INPP5A: variants seen among roughly 807,000 people sequenced by gnomAD.
INPP5A encodes inositol polyphosphate-5-phosphatase A, also known as 43 kDa inositol polyphosphate 5-phophatase.
In INPP5A, 14 loss-of-function variants were observed where a neutral mutation model predicts 65.2. The ratio of observed to expected loss-of-function variants is 0.21; its 90% CI spans 0.14 to 0.34. The LOEUF is 0.34. INPP5A is among the 10% of genes least tolerant of loss of function. The pLI, the probability that INPP5A is intolerant of heterozygous loss-of-function variation, is 1.00. For synonymous variants in INPP5A, 207 were observed against 208.3 expected (o/e 0.99, Z 0.05); for missense variants, 431 against 545.6 (o/e 0.79, Z 2.09).
rs1045075561 is a variant in INPP5A at position 132,587,535 on chromosome 10, G to A, written c.76-20380G>A. On this transcript the variant is annotated intron_variant, in intron 1 of 15. Coordinates refer to ENST00000368594, the MANE Select transcript of INPP5A (RefSeq NM_005539.5). This position sits in a 1 kb window ranked among gnomAD's most constrained non-coding sequence, Gnocchi z 4.3. ...CCTGTAACCAGAGCTGTTGGGACGC[G>A]GGGAGCAGGCGAAATTTCTGGGCCA... Among the ~76,000 whole-genome samples the A allele has an allele frequency of 4.6e-5, 7 of 152,184 alleles. No individual in the cohort carries two copies. Among genetic ancestry groups the A allele is most frequent in the Non-Finnish European group, 1.0e-4 (7 of 68,040 alleles).
At position 132,575,618 on chromosome 10, in the gene INPP5A, C is replaced by A. The variant is rs528681579; in HGVS notation, c.76-32297C>A. On this transcript the variant is annotated intron_variant, in intron 1 of 15. Coordinates refer to ENST00000368594, the MANE Select transcript of INPP5A (RefSeq NM_005539.5). This position sits in a 1 kb window ranked among gnomAD's most constrained non-coding sequence, Gnocchi z 5.4. ...ATTTCTTGGCTTCTCTGTGGAAGTG[C>A]GTTTATTTGAAATCCGTAAACAGTG... is the stretch of plus-strand genomic sequence containing the variant. Among the ~76,000 whole-genome samples the A allele has an allele frequency of 2.0e-4, 31 of 152,186 alleles. No individual in the cohort carries two copies. Among genetic ancestry groups the A allele is most frequent in the South Asian group, 6.2e-4 (3 of 4,816 alleles).
At chr10:132,622,956 G>A (rs540494636) in intron 2 of INPP5A, among the ~76,000 whole-genome samples, 8 of 151,526 alleles carry the variant, frequency 5.3e-5, no homozygotes, top group African/African-American at 7.3e-5. Context: ...TATACCGTCC[G>A]TGTTCGTGGA....
chr10:132,712,628 G>T (rs573142565), intron 8 of INPP5A, among the ~76,000 whole-genome samples: 3 of 151,418 alleles, frequency 2.0e-5, no homozygotes, highest in Admixed American at 2.0e-4. Flanking sequence ...GTGTGTGTGG[G>T]TATATGCATG....
intron 8 of INPP5A, among the ~76,000 whole-genome samples, chr10:132,711,209 G>C (rs1344783915): frequency 1.3e-5 from 2 of 152,184 alleles, no homozygotes; most frequent in Admixed American, 6.5e-5. Context: ...CTGCCCCCCA[G>C]TGCTCCGGGC....
chr10:132,556,586 CA>C (rs2133262085), intron 1 of INPP5A, among the ~76,000 whole-genome samples: 1 of 152,324 alleles, frequency 6.6e-6, no homozygotes, highest in South Asian at 2.1e-4. Flanking sequence ...ACCACATAGG[CA>C]CACACATGTG....
chr10:132,612,444 G>T (rs1338457796), intron 2 of INPP5A, among the ~76,000 whole-genome samples: 1 of 151,690 alleles, frequency 6.6e-6, no homozygotes, highest in Non-Finnish European at 1.5e-5. Context: ...AGGCTGTGAA[G>T]GTGCCCTGTT....
At chr10:132,599,643 G>C (rs898557763) in intron 1 of INPP5A, among the ~76,000 whole-genome samples, 17 of 152,256 alleles carry the variant, frequency 1.1e-4, no homozygotes, top group African/African-American at 3.6e-4. Flanking sequence ...TAGAGACTCT[G>C]TGTGGGGGCT....
At chr10:132,578,732 C>T (rs867891999) in intron 1 of INPP5A, among the ~76,000 whole-genome samples, 1 of 129,960 alleles carries the variant, frequency 7.7e-6, no homozygotes, top group African/African-American at 2.8e-5. Flanking sequence ...GAGGCTGGGT[C>T]CAGGCTCCAG....
chr10:132,700,211 G>A (rs1845414800), intron 6 of INPP5A, among the ~76,000 whole-genome samples: 1 of 152,258 alleles, frequency 6.6e-6, no homozygotes, highest in African/African-American at 2.4e-5. Flanking sequence ...ATTCCTGGGA[G>A]GAAAAGGCAC....
chr10:132,711,472 G>A (rs1400878996), intron 8 of INPP5A, among the ~76,000 whole-genome samples: 4 of 146,732 alleles, frequency 2.7e-5, no homozygotes, highest in Non-Finnish European at 6.1e-5. Context: ...TGGGCTTGCA[G>A]CAGTGATGAA....
At chr10:132,560,158 C>A (rs1038237253) in intron 1 of INPP5A, among the ~76,000 whole-genome samples, 1 of 151,020 alleles carries the variant, frequency 6.6e-6, no homozygotes, top group East Asian at 1.9e-4. Context: ...ACATGTGTCT[C>A]CAGCTCTCTT....
chr10:132,665,102 A>T (rs1320199257), intron 4 of INPP5A, among the ~76,000 whole-genome samples: 2 of 152,192 alleles, frequency 1.3e-5, no homozygotes, highest in Non-Finnish European at 2.9e-5. Flanking sequence ...GCACCCCCAG[A>T]CTGAAGGAAA....
rs1299698633 is a variant in INPP5A at position 132,678,436 on chromosome 10, C to G, written c.307-11956C>G. Among the ~76,000 whole-genome samples the G allele has an allele frequency of 2.0e-5, 3 of 152,122 alleles. No homozygotes were observed. Among genetic ancestry groups the G allele is most frequent in the Admixed American group, 6.5e-5 (1 of 15,282 alleles). ...TGTTTCAAAACAAGGTGTCTTGGGA[C>G]TTGCCTTTGTGATAGGGTTAAATGT... On this transcript the variant is annotated intron_variant, in intron 4 of 15. Transcript: ENST00000368594. The surrounding 1 kb of genome is among the most constrained non-coding windows in gnomAD (Gnocchi z 4.1).
At chr10:132,725,772 T>C (rs766936560) in intron 8 of INPP5A, among the ~76,000 whole-genome samples, 1 of 152,222 alleles carries the variant, frequency 6.6e-6, no homozygotes, top group African/African-American at 2.4e-5. Context: ...TATCTCCAAA[T>C]GCAGCGTAGT....
At chr10:132,708,628 C>A (rs1845580746) in intron 7 of INPP5A, 3 of 567,802 alleles carry the variant, frequency 5.3e-6, no homozygotes, top group Admixed American at 2.3e-5. Flanking sequence ...CTCCCCGCAG[C>A]TGGAGAGTTC....
Position 132,697,807 on chromosome 10 carries a change from C to G in INPP5A, c.371-9C>G. 1 of 1,587,206 alleles carries G rather than the reference C, an allele frequency of 6.3e-7. No homozygotes were observed. The highest frequency in any genetic ancestry group is 1.1e-5 in the South Asian group (1 of 90,048). On this transcript the variant is annotated splice_polypyrimidine_tract_variant and intron_variant, in intron 5 of 15. Transcript: ENST00000368594. The surrounding 1 kb of genome is among the most constrained non-coding windows in gnomAD (Gnocchi z 5.6). ...GGGATAGTCACCTCGTCCTTCTGGTCTCTTCCAGCTAAGAAGTATAGAAAG... is the reference window on the plus strand; with the variant it reads ...GGGATAGTCACCTCGTCCTTCTGGTGTCTTCCAGCTAAGAAGTATAGAAAG...
chr10:132,552,806 G>A (rs2071073215), intron 1 of INPP5A, among the ~76,000 whole-genome samples: 1 of 147,196 alleles, frequency 6.8e-6, no homozygotes, highest in Non-Finnish European at 1.5e-5. Context: ...GGGAGGACTG[G>A]TGAACGCCTT....
chr10:132,570,728 AT>A (rs1466547594), intron 1 of INPP5A, among the ~76,000 whole-genome samples: 3 of 151,922 alleles, frequency 2.0e-5, no homozygotes, highest in Non-Finnish European at 2.9e-5. Flanking sequence ...CAACTGAGCC[AT>A]TTGGAAGTGG....
chr10:132,610,357 TGGGGGTG>T (rs1253244246), intron 2 of INPP5A, among the ~76,000 whole-genome samples: 3 of 142,318 alleles, frequency 2.1e-5, no homozygotes, highest in Non-Finnish European at 3.1e-5. Flanking sequence ...AGCCCAGTGA[TGGGGGTG>T]GGGGGTGGGG....
Sources: gnomAD v4.1 joint callset for allele counts (sites outside exome capture counted in the v4.1 genomes callset) on GRCh38, gnomAD v4.1.1 for gene constraint, Gnocchi (gnomAD v3.1) non-coding constraint, MANE v1.5 for transcripts, NCBI Gene and HGNC (gene_info 2026-07-23, HGNC 2026-07-21) for gene names.